Variants in TMEM196 observed in about 807,000 individuals in gnomAD.
TMEM196 encodes transmembrane protein 196.
A neutral mutation model predicts 20.0 loss-of-function variants in TMEM196; 17 were observed. The observed-to-expected ratio is 0.85, with a 90% confidence interval of 0.58 to 1.27. The LOEUF is 1.27. TMEM196 is among the 50% of genes most tolerant of loss of function. The pLI, the probability that TMEM196 is intolerant of heterozygous loss-of-function variation, is 0.00. For missense variants in TMEM196, 267 were observed against 223.0 expected (o/e 1.20, Z -1.26); for synonymous variants, 113 against 88.9 (o/e 1.27, Z -1.52).
intron 1 of TMEM196, among the ~76,000 whole-genome samples, chr7:19,744,218 C>G (rs1203356329): frequency 6.6e-6 from 1 of 152,150 alleles, no homozygotes; most frequent in South Asian, 2.1e-4. Flanking sequence ...ACAGGACCAT[C>G]ATAAAATAAT....
intron 1 of TMEM196, among the ~76,000 whole-genome samples, chr7:19,749,395 A>G (rs948120598): frequency 4.6e-5 from 7 of 152,188 alleles, no homozygotes; most frequent in Non-Finnish European, 8.8e-5. Flanking sequence ...TGTAACCTAT[A>G]AAGTGGGTGG....
At chr7:19,752,992 AT>A (rs1041840298) in intron 1 of TMEM196, among the ~76,000 whole-genome samples, 13 of 152,168 alleles carry the variant, frequency 8.5e-5, no homozygotes, top group African/African-American at 2.7e-4. Flanking sequence ...TTCCAAGCCA[AT>A]TTGACAACTG....
intron 1 of TMEM196, among the ~76,000 whole-genome samples, chr7:19,753,979 T>C (rs1562622984): frequency 6.6e-6 from 1 of 152,234 alleles, no homozygotes; most frequent in African/African-American, 2.4e-5. Flanking sequence ...TTCACCTTCC[T>C]TGTGCATCCA....
At chr7:19,725,236 A>G (rs1461553801) in intron 3 of TMEM196, among the ~76,000 whole-genome samples, 1 of 152,236 alleles carries the variant, frequency 6.6e-6, no homozygotes, top group East Asian at 1.9e-4. Context: ...TCAGTATAAT[A>G]CATAAAAATC....
At chr7:19,771,472 G>C (rs922516892) in intron 1 of TMEM196, among the ~76,000 whole-genome samples, 2 of 152,050 alleles carry the variant, frequency 1.3e-5, no homozygotes, top group Admixed American at 6.6e-5. Context: ...AATTACTTTT[G>C]AATAATTTTT....
At chr7:19,748,821 A>G (rs778112144) in intron 1 of TMEM196, among the ~76,000 whole-genome samples, 1 of 152,210 alleles carries the variant, frequency 6.6e-6, no homozygotes, top group Admixed American at 6.5e-5. Context: ...ATTTGCCTTA[A>G]ATAATTATAT....
In TMEM196 at chr7:19,772,650, A is replaced by C. The variant is rs1034346248; in HGVS notation, c.47T>G (p.Val16Gly). ...GGACACCCCCAGCCCTATCTCCAGC[A>C]CGGAGAGCACCAAGAGGCTCCCAAT... is the stretch of plus-strand genomic sequence containing the variant. ...QIIGSLLVLS[V>G]LEIGLGVSSV... The change falls in exon 1 of 5, where the codon GTG becomes GGG. Residue 16 changes from valine to glycine, a missense_variant. Val to Gly is a moderately radical substitution (Grantham distance 109). Transcript: ENST00000405844. 1.9e-6 allele frequency: 3 copies of C among 1,544,706 alleles called. No individual in the cohort carries two copies. Among genetic ancestry groups the C allele is most frequent in the Non-Finnish European group, 2.6e-6 (3 of 1,144,270 alleles).
intron 1 of TMEM196, among the ~76,000 whole-genome samples, chr7:19,756,760 C>T (rs1357867342): frequency 6.6e-6 from 1 of 152,100 alleles, no homozygotes; most frequent in Non-Finnish European, 1.5e-5. Flanking sequence ...CCATCCATGT[C>T]CTGCAAAAGA....
At chr7:19,732,633 TTG>T (rs72189354) in intron 1 of TMEM196, among the ~76,000 whole-genome samples, 33,798 of 148,290 alleles carry the variant, frequency 0.23, 4,484 homozygotes, top group African/African-American at 0.38. Flanking sequence ...TTTTTTTTTT[TTG>T]TGTGTGTTAG....
At chr7:19,723,356 C>A (rs903272579) in intron 4 of TMEM196, among the ~76,000 whole-genome samples, 2 of 151,768 alleles carry the variant, frequency 1.3e-5, no homozygotes, top group Non-Finnish European at 2.9e-5. Context: ...TACATAAACC[C>A]GTTAGGTGCC....
intron 1 of TMEM196, among the ~76,000 whole-genome samples, chr7:19,738,886 A>C (rs557279860): frequency 1.3e-5 from 2 of 152,264 alleles, no homozygotes; most frequent in South Asian, 2.1e-4. Context: ...ACTTCCCACT[A>C]TCTAAGTGTG....
Position 19,772,685 on chromosome 7 carries a change from G to A in TMEM196, c.12C>T (p.Ser4=), listed in dbSNP as rs1328078912. Residue 4 remains serine, a synonymous_variant, in exon 1 of 5, where the codon AGC becomes AGT. Transcript: ENST00000405844. MCT[S]GQIIGSLLVL... Reference sequence around the variant, plus strand: ...CCAAGAGGCTCCCAATAATCTGACCGCTGGTGCACATCCTTCCTCGGTCAT... The same window carrying A: ...CCAAGAGGCTCCCAATAATCTGACCACTGGTGCACATCCTTCCTCGGTCAT... 3 of 1,519,404 alleles carry A rather than the reference G, an allele frequency of 2.0e-6. No homozygotes were observed. Among genetic ancestry groups the A allele is most frequent in the Non-Finnish European group, 2.7e-6 (3 of 1,129,004 alleles). 94.1% of individuals were successfully genotyped at this position (1,519,404 alleles called of 1,614,324 possible).
intron 4 of TMEM196, 24 bp downstream of exon 4, chr7:19,724,256 G>T (rs552320962): frequency 1.3e-6 from 2 of 1,548,670 alleles, no homozygotes; most frequent in Non-Finnish European, 1.7e-6. Context: ...TTACAACATG[G>T]TAACTCCCTA....
chr7:19,723,318 A>G (rs1357996457), intron 4 of TMEM196, among the ~76,000 whole-genome samples: 1 of 151,998 alleles, frequency 6.6e-6, no homozygotes, highest in Non-Finnish European at 1.5e-5. Flanking sequence ...TTTACCTACT[A>G]GGAGAAAAAT....
At chr7:19,764,632 T>G (rs912455897) in intron 1 of TMEM196, among the ~76,000 whole-genome samples, 1 of 152,194 alleles carries the variant, frequency 6.6e-6, no homozygotes, top group Non-Finnish European at 1.5e-5. Flanking sequence ...TTATGAACTC[T>G]GTTTAAATTT....
intron 1 of TMEM196, among the ~76,000 whole-genome samples, chr7:19,765,306 G>A (rs747462930): frequency 2.0e-5 from 3 of 151,918 alleles, no homozygotes; most frequent in Non-Finnish European, 1.5e-5. Context: ...AATAGATTAC[G>A]AACTAATGGA....
At chr7:19,766,076 T>A (rs1562630314) in intron 1 of TMEM196, among the ~76,000 whole-genome samples, 1 of 152,156 alleles carries the variant, frequency 6.6e-6, no homozygotes, top group Non-Finnish European at 1.5e-5. Context: ...TTTTCTGAGA[T>A]TCACAAGAAC....
Position 19,772,651 on chromosome 7 carries a change from C to A in TMEM196, c.46G>T (p.Val16Leu), listed in dbSNP as rs1429761233. ...GACACCCCCAGCCCTATCTCCAGCA[C>A]GGAGAGCACCAAGAGGCTCCCAATA... is the stretch of plus-strand genomic sequence containing the variant. Reference protein sequence around the residue: ...QIIGSLLVLSVLEIGLGVSSV... With the variant: ...QIIGSLLVLSLLEIGLGVSSV... Residue 16 changes from valine (V) to leucine (L), a missense_variant, in exon 1 of 5, where the codon GTG becomes TTG. Val to Leu is a conservative substitution (Grantham distance 32). Transcript: ENST00000405844. The A allele has an allele frequency of 1.9e-6, 3 of 1,544,182 alleles. No homozygotes were observed. The highest frequency in any genetic ancestry group is 1.7e-6 in the Non-Finnish European group (2 of 1,144,034).
At chr7:19,748,203 A>C (rs1784830164) in intron 1 of TMEM196, among the ~76,000 whole-genome samples, 1 of 149,304 alleles carries the variant, frequency 6.7e-6, no homozygotes, top group Non-Finnish European at 1.5e-5. Flanking sequence ...ATACATAATG[A>C]CAATATAAAG....
Sources: gnomAD v4.1 joint callset for allele counts (sites outside exome capture counted in the v4.1 genomes callset) on GRCh38, gnomAD v4.1.1 for gene constraint, MANE v1.5 for transcripts, NCBI Gene and HGNC (gene_info 2026-07-23, HGNC 2026-07-21) for gene names.